EHMT1: variants seen among roughly 807,000 people sequenced by gnomAD.
The protein encoded by EHMT1 is euchromatic histone lysine methyltransferase 1, also known as histone-lysine N-methyltransferase EHMT1.
EHMT1 carries 15 observed loss-of-function variants against 147.2 expected under a neutral mutation model. The observed-to-expected ratio is 0.10, with a 90% CI of 0.07 to 0.16. The LOEUF (loss-of-function observed/expected upper bound fraction) is 0.16, where lower values mean the gene tolerates loss of function less well. EHMT1 is among the 10% of genes least tolerant of loss of function. The pLI, the probability that EHMT1 is intolerant of heterozygous loss-of-function variation, is 1.00. For synonymous variants in EHMT1, 795 were observed against 709.6 expected (o/e 1.12, Z -1.91); for missense variants, 1,587 against 1,772.4 (o/e 0.90, Z 1.88).
chr9:137,802,926 TGA>T (rs1417741153), intron 18 of EHMT1: 47 of 1,232,578 alleles, frequency 3.8e-5, no homozygotes, highest in Non-Finnish European at 4.1e-5. Context: ...AGAGGAGCCC[TGA>T]GCTGGTGGAA....
At chr9:137,750,252 A>G (rs1345334957) in intron 6 of EHMT1, among the ~76,000 whole-genome samples, 1 of 110,762 alleles carries the variant, frequency 9.0e-6, no homozygotes, top group African/African-American at 6.5e-5. Flanking sequence ...GGATATTTTT[A>G]AAGATTTTCT....
chr9:137,736,946 T>C (rs1947589156), intron 4 of EHMT1, among the ~76,000 whole-genome samples: 1 of 151,914 alleles, frequency 6.6e-6, no homozygotes, highest in South Asian at 2.1e-4. Context: ...CTCAAGCCTG[T>C]CATCCATGCA....
Position 137,631,248 on chromosome 9 carries a change from C to T in EHMT1, c.21+12199C>T, listed in dbSNP as rs183423150. Among the ~76,000 whole-genome samples, 17 of 151,888 alleles carry T rather than the reference C, an allele frequency of 1.1e-4. No homozygotes were observed. The East Asian group carries it at 2.3e-3, about 21-fold the overall frequency. On this transcript the variant is annotated intron_variant, in intron 1 of 26. Transcript: ENST00000460843. ...CTAATAAAAATATAAAAAAATTAGC[C>T]GGGCGTGATGGCGGGCGCCTGTAAT...
Position 137,835,169 on chromosome 9 carries a change from G to A in EHMT1, c.*216G>A, listed in dbSNP as rs374734508. On this transcript the variant is annotated 3_prime_UTR_variant, in exon 27 of 27. Coordinates refer to ENST00000460843, the MANE Select transcript of EHMT1 (RefSeq NM_024757.5). ...CCTGCGGCCTCACCGCGGGCCCAGT[G>A]CCCAGGCTGGAGCGCACACTTTGGT... The A allele has an allele frequency of 9.5e-5, 45 of 474,330 alleles. 1 individual carries two copies. The South Asian group carries it at 1.5e-3, about 16-fold the overall frequency. 29.4% of individuals were successfully genotyped at this position (474,330 alleles called of 1,614,324 possible).
Position 137,813,398 on chromosome 9 carries a change from A to G in EHMT1, c.3048A>G (p.Arg1016=). The change falls in exon 21 of 27, where the codon CGA becomes CGG. Residue 1016 remains arginine (R), a synonymous_variant. Transcript: ENST00000460843. This position sits in a 1 kb window ranked among gnomAD's most constrained non-coding sequence, Gnocchi z 4.9. Reference sequence around the variant, plus strand: ...CTTTCCATGGCAGGGACATCGCTCGAGGCTACGAGCGCATCCCCATCCCCT... The same window carrying G: ...CTTTCCATGGCAGGGACATCGCTCGGGGCTACGAGCGCATCCCCATCCCCT... The part of the protein sequence containing the change: ...VERIVSRDIA[R]GYERIPIPCV... 1 of 1,612,374 alleles carries G rather than the reference A, an allele frequency of 6.2e-7. No individual in the cohort carries two copies. The highest frequency in any genetic ancestry group is 8.5e-7 in the Non-Finnish European group (1 of 1,179,622).
chr9:137,700,179 G>C (rs1424572009), intron 1 of EHMT1, among the ~76,000 whole-genome samples: 1 of 152,156 alleles, frequency 6.6e-6, no homozygotes, highest in Non-Finnish European at 1.5e-5. Flanking sequence ...TGACATGTGA[G>C]TATTTCTCCT....
intron 3 of EHMT1, among the ~76,000 whole-genome samples, chr9:137,718,590 C>T (rs1213796297): frequency 6.6e-6 from 1 of 152,120 alleles, no homozygotes; most frequent in African/African-American, 2.4e-5. Context: ...AAATGGCCGG[C>T]TCTTCTGTCC....
At chr9:137,619,325 G>A (rs1158395246) in intron 1 of EHMT1, among the ~76,000 whole-genome samples, 1 of 150,370 alleles carries the variant, frequency 6.7e-6, no homozygotes, top group African/African-American at 2.4e-5. Flanking sequence ...TGAGGGAGGC[G>A]ACCGCGTACC....
chr9:137,657,191 C>T (rs542542781), intron 1 of EHMT1, among the ~76,000 whole-genome samples: 3 of 152,212 alleles, frequency 2.0e-5, no homozygotes, highest in Admixed American at 6.5e-5. Flanking sequence ...GTGTGGGGAG[C>T]GTGTGGCTGC....
intron 3 of EHMT1, among the ~76,000 whole-genome samples, chr9:137,726,804 CTG>C (rs1269870948): frequency 6.6e-6 from 1 of 152,254 alleles, no homozygotes; most frequent in African/African-American, 2.4e-5. Context: ...ATGCTGCTCA[CTG>C]TGGTTTCCAT....
chr9:137,823,670 C>CA (rs1192972604), intron 25 of EHMT1, among the ~76,000 whole-genome samples: 1 of 152,208 alleles, frequency 6.6e-6, no homozygotes, highest in Admixed American at 6.5e-5. Flanking sequence ...CTCGGCCTCT[C>CA]AAAGTGCTGG....
At chr9:137,689,697 C>T (rs893995036) in intron 1 of EHMT1, among the ~76,000 whole-genome samples, 11 of 152,152 alleles carry the variant, frequency 7.2e-5, no homozygotes, top group South Asian at 2.1e-4. Context: ...AGCAAGACTC[C>T]GTCTCAAAAG....
At chr9:137,723,994 A>AT (rs969084300) in intron 3 of EHMT1, among the ~76,000 whole-genome samples, 17 of 151,958 alleles carry the variant, frequency 1.1e-4, no homozygotes, top group African/African-American at 4.1e-4. Context: ...GGAAGGGAAC[A>AT]TTTTTTTCTA....
chr9:137,773,258 A>C (rs867763024), intron 10 of EHMT1, among the ~76,000 whole-genome samples: 15 of 152,356 alleles, frequency 9.8e-5, no homozygotes, highest in African/African-American at 2.6e-4. Flanking sequence ...CAGTAGGTAC[A>C]AGTGCCCTGC....
intron 1 of EHMT1, among the ~76,000 whole-genome samples, chr9:137,703,422 T>C (rs1215593819): frequency 6.6e-6 from 1 of 152,228 alleles, no homozygotes; most frequent in Non-Finnish European, 1.5e-5. Flanking sequence ...CAGTTTCAGA[T>C]ACTCTCTTCG....
chr9:137,718,186 G>T (rs1458562424), intron 3 of EHMT1, among the ~76,000 whole-genome samples: 1 of 150,396 alleles, frequency 6.6e-6, no homozygotes, highest in Non-Finnish European at 1.5e-5. Context: ...GGGCGCGCCC[G>T]CCCCTCACGC....
At chr9:137,695,082 A>T (rs1588212071) in intron 1 of EHMT1, among the ~76,000 whole-genome samples, 2 of 152,182 alleles carry the variant, frequency 1.3e-5, no homozygotes, top group Admixed American at 6.5e-5. Context: ...GTTTTGGCTG[A>T]TGGGAATTTG....
At chr9:137,660,756 G>C (rs1320749639) in intron 1 of EHMT1, among the ~76,000 whole-genome samples, 5 of 152,032 alleles carry the variant, frequency 3.3e-5, no homozygotes, top group Admixed American at 3.3e-4. Flanking sequence ...TTCCTGTAGA[G>C]GTCTTGCCAT....
In EHMT1 at chr9:137,700,342, G is replaced by T. The variant is rs113650533; in HGVS notation, c.22-10625G>T. On this transcript the variant is annotated intron_variant, in intron 1 of 26. Transcript: ENST00000460843. ...TCTGAGTTCTACTTCACTATCTGGG[G>T]AACTTTTTTCCCCTTAAGTTTTTGT... Among the ~76,000 whole-genome samples, 37 of 152,182 alleles carry T rather than the reference G, an allele frequency of 2.4e-4. 1 individual carries two copies. The highest frequency in any genetic ancestry group is 8.4e-4 in the African/African-American group (35 of 41,522).
Sources: gnomAD v4.1 joint callset for allele counts (sites outside exome capture counted in the v4.1 genomes callset) on GRCh38, gnomAD v4.1.1 for gene constraint, Gnocchi (gnomAD v3.1) non-coding constraint, MANE v1.5 for transcripts, NCBI Gene and HGNC (gene_info 2026-07-23, HGNC 2026-07-21) for gene names.